WASHC2A: variants seen among roughly 807,000 people sequenced by gnomAD.
The protein encoded by WASHC2A is WASH complex subunit 2A.
Under a neutral mutation model 140.3 loss-of-function variants are expected in WASHC2A, and 82 were observed. The observed-to-expected ratio is 0.58, with a 90% CI of 0.49 to 0.70. The LOEUF (loss-of-function observed/expected upper bound fraction) is 0.70. Ranked by LOEUF, WASHC2A falls within the 30% of genes least tolerant of loss-of-function variation. The pLI is 0.00. For synonymous variants in WASHC2A, 340 were observed against 560.8 expected (o/e 0.61, Z 5.56); for missense variants, 985 against 1,521.8 (o/e 0.65, Z 5.87).
rs1366343464 is a variant in WASHC2A, at chr10:50,082,274, T to C, written c.528+1343T>C. 3.1e-3 allele frequency among the ~76,000 whole-genome samples: 471 copies of C among 150,738 alleles called. 3 individuals carry two copies. The highest frequency in any genetic ancestry group is 0.01 in the African/African-American group (427 of 41,116). ...CTGTCTTTGCCTTATGCTCCATTGGTTGCTGTGACGTCGTTGAACCTTTAC... is the reference window on the plus strand; with the variant it reads ...CTGTCTTTGCCTTATGCTCCATTGGCTGCTGTGACGTCGTTGAACCTTTAC... On this transcript the variant is annotated intron_variant, in intron 5 of 30. Transcript: ENST00000282633.
chr10:50,071,872 G>T, intron 3 of WASHC2A, among the ~76,000 whole-genome samples: 3 of 145,204 alleles, frequency 2.1e-5, no homozygotes, highest in African/African-American at 7.6e-5. Context: ...GGGATTTCCT[G>T]TTTTCCATCC....
At chr10:50,102,030 T>C (rs1476210795) in intron 17 of WASHC2A, among the ~76,000 whole-genome samples, 1 of 152,206 alleles carries the variant, frequency 6.6e-6, no homozygotes, top group Non-Finnish European at 1.5e-5. Context: ...TTTTGCTTCA[T>C]TTGTTGGCCA....
intron 3 of WASHC2A, among the ~76,000 whole-genome samples, chr10:50,072,272 C>T (rs1837909418): frequency 6.6e-6 from 1 of 150,546 alleles, no homozygotes; most frequent in Non-Finnish European, 1.5e-5. Flanking sequence ...TCTTGATGCC[C>T]CTTCGCCTTC....
intron 29 of WASHC2A, among the ~76,000 whole-genome samples, chr10:50,130,567 CA>C (rs1431404952): frequency 2.2e-4 from 33 of 152,104 alleles, no homozygotes; most frequent in Non-Finnish European, 4.4e-4. Context: ...TAATCAAATA[CA>C]AACAGGGCAA....
At position 50,106,475 on chromosome 10, in the gene WASHC2A, G is replaced by C. The variant is rs1240231593; in HGVS notation, c.1869+10G>C. The C allele has an allele frequency of 5.0e-6, 8 of 1,594,198 alleles. No homozygotes were observed. The African/African-American group carries it at 1.1e-4, about 22-fold the overall frequency. On this transcript the variant is annotated intron_variant, in intron 19 of 30. Coordinates refer to ENST00000282633, the MANE Select transcript of WASHC2A (RefSeq NM_001005751.3). ...CAGCAGTGATGAGGAGGTGAGCTGA[G>C]GTTTCTGCTAAAGAAGAGGGGATTA...
chr10:50,097,530 T>A, intron 15 of WASHC2A, 145 bp from the exon 16 acceptor site: 1 of 692,186 alleles, frequency 1.4e-6, no homozygotes, highest in Non-Finnish European at 2.4e-6. Context: ...AGAGTATAGT[T>A]CCACTTACTA....
chr10:50,120,574 C>G (rs1328537982), intron 23 of WASHC2A, among the ~76,000 whole-genome samples: 1 of 111,500 alleles, frequency 9.0e-6, no homozygotes, highest in African/African-American at 3.7e-5. Context: ...GAGCCGAGAT[C>G]GCACCACTGC....
intron 27 of WASHC2A, 38 bp from the exon 28 acceptor site, chr10:50,127,545 T>C (rs1442933533): frequency 2.5e-6 from 4 of 1,603,708 alleles, no homozygotes; most frequent in South Asian, 2.2e-5. Context: ...GACTGCTGTG[T>C]TGAAGAACAA....
intron 5 of WASHC2A, among the ~76,000 whole-genome samples, chr10:50,082,799 G>A (rs1249696043): frequency 7.0e-6 from 1 of 142,796 alleles, no homozygotes; most frequent in Admixed American, 7.0e-5. Flanking sequence ...TTTTTAATGT[G>A]TGTGTGGTGT....
chr10:50,086,163 G>A (rs1445984441), intron 7 of WASHC2A, among the ~76,000 whole-genome samples: 6 of 151,530 alleles, frequency 4.0e-5, no homozygotes, highest in Non-Finnish European at 8.8e-5. Context: ...CCTCGAGTAT[G>A]GGATTTCCGA....
rs2805146 is a variant in WASHC2A at position 50,087,321 on chromosome 10, G to A, written c.731G>A (p.Arg244Gln). The A allele has an allele frequency of 2.2e-3, 3,487 of 1,613,880 alleles. 18 individuals carry two copies. Among genetic ancestry groups the A allele is most frequent in the African/African-American group, 0.014 (1,071 of 75,008 alleles). ...CATCATAGTGACAATGAACAAAACC[G>A]GGTAAGGCTCATATATTGAAATGAC... ...FAHHSDNEQN[R>Q]HTTQMSDEEE... is the part of the protein sequence containing the mutation. Residue 244 changes from arginine to glutamine, a missense_variant and splice_region_variant, in exon 8 of 31, where the codon CGG (arginine) becomes CAG (glutamine). Arg to Gln is a conservative substitution (Grantham distance 43). Coordinates refer to ENST00000282633, the MANE Select transcript of WASHC2A (RefSeq NM_001005751.3).
At chr10:50,075,797 C>A (rs1295337964) in intron 3 of WASHC2A, among the ~76,000 whole-genome samples, 2 of 152,104 alleles carry the variant, frequency 1.3e-5, no homozygotes, top group Admixed American at 1.3e-4. Flanking sequence ...TTAAATACTG[C>A]AGATTTCTAA....
At chr10:50,072,058 G>A (rs1444961811) in intron 3 of WASHC2A, among the ~76,000 whole-genome samples, 7 of 133,394 alleles carry the variant, frequency 5.2e-5, no homozygotes, top group Non-Finnish European at 9.5e-5. Flanking sequence ...ACAGGCTCCC[G>A]CCACCAGGCC....
chr10:50,103,030 C>T (rs1277156289), intron 17 of WASHC2A, among the ~76,000 whole-genome samples: 1 of 150,726 alleles, frequency 6.6e-6, no homozygotes, highest in East Asian at 2.0e-4. Flanking sequence ...CCACACCTGG[C>T]TAATCTGGTA....
chr10:50,068,078 C>G, intron 1 of WASHC2A, 27 bp from the exon 2 acceptor site: 1 of 1,609,294 alleles, frequency 6.2e-7, no homozygotes, highest in Non-Finnish European at 8.5e-7. Flanking sequence ...TCAGGCTCAG[C>G]TTCTCTTCTC....
intron 17 of WASHC2A, among the ~76,000 whole-genome samples, chr10:50,101,360 G>A (rs1287556009): frequency 2.0e-5 from 3 of 152,312 alleles, no homozygotes; most frequent in Admixed American, 2.0e-4. Context: ...ATTTCTCTGT[G>A]AGGCCTCCCT....
intron 5 of WASHC2A, among the ~76,000 whole-genome samples, chr10:50,082,730 C>T (rs1379454120): frequency 4.7e-5 from 7 of 147,438 alleles, no homozygotes; most frequent in Admixed American, 1.4e-4. Context: ...CCGCCCGCCT[C>T]GGCCTCCCAA....
At chr10:50,069,745 T>G in intron 3 of WASHC2A, 34 bp downstream of exon 3, 1 of 1,597,762 alleles carries the variant, frequency 6.3e-7, no homozygotes, top group Non-Finnish European at 8.5e-7. Context: ...ATTCCTTTTT[T>G]GGGAGTAGGA....
rs1289179058 is a variant in WASHC2A, at chr10:50,126,323, T to A, written c.2811+144T>A. 655 of 1,448,424 alleles carry A rather than the reference T, an allele frequency of 4.5e-4. 1 individual carries two copies. Among genetic ancestry groups the A allele is most frequent in the Non-Finnish European group, 5.6e-4 (592 of 1,056,600 alleles). The allele number at this position is 1,448,424 out of a possible 1,614,324, so 89.7% of individuals were successfully genotyped here. A position where few individuals can be genotyped will look rare whatever the true frequency, so the allele number is the denominator to read the frequency against. ...GGCTACCGCTTTGTCTTCACTGCAC[T>A]CCCCCCAAGTCATCTCCCCTCTCCT... On this transcript the variant is annotated intron_variant, in intron 26 of 30. Coordinates refer to ENST00000282633, the MANE Select transcript of WASHC2A (RefSeq NM_001005751.3).
Sources: allele counts gnomAD v4.1 joint callset (sites outside exome capture counted in the v4.1 genomes callset), GRCh38; gene constraint gnomAD v4.1.1; transcripts MANE v1.5; gene names NCBI Gene and HGNC (gene_info 2026-07-23, HGNC 2026-07-21).